GIGYF2: variants seen among roughly 807,000 people sequenced by gnomAD.
GIGYF2 encodes GRB10-interacting GYF protein 2.
In GIGYF2, 25 loss-of-function variants were observed where a neutral mutation model predicts 208.1. The observed-to-expected ratio is 0.12, with a 90% CI of 0.09 to 0.17. GIGYF2 has a LOEUF of 0.17. Among genes scored for constraint, GIGYF2 ranks in the 10% least tolerant of loss-of-function variants. GIGYF2 has a pLI of 1.00. For missense variants in GIGYF2, 1,302 were observed against 1,579.4 expected, an observed-to-expected ratio of 0.82 and a Z score of 2.98; for synonymous variants, 534 against 543.8, an observed-to-expected ratio of 0.98 and a Z score of 0.25.
rs545468180 is a variant in GIGYF2 at position 232,810,118 on chromosome 2, G to T, written c.1898+307G>T. Among the ~76,000 whole-genome samples the T allele has an allele frequency of 2.4e-3, 371 of 152,324 alleles. 2 individuals are homozygous for T. The highest frequency in any genetic ancestry group is 8.3e-3 in the African/African-American group (343 of 41,568). On this transcript the variant is annotated intron_variant, in intron 16 of 28. Coordinates refer to ENST00000373563, the MANE Select transcript of GIGYF2 (RefSeq NM_001103146.3). The stretch of plus-strand genomic sequence containing the variant: ...TTCTCGTGCTTCAGCCTCCTGAGTA[G>T]CTGGGACTACAGGCGTGTGCCACCA...
chr2:232,786,489 G>C (rs1030467604), intron 8 of GIGYF2, among the ~76,000 whole-genome samples: 1 of 152,138 alleles, frequency 6.6e-6, no homozygotes, highest in African/African-American at 2.4e-5. Context: ...CACCTGTCTC[G>C]GCCTCCCAAA....
chr2:232,731,649 G>T (rs1046433500), intron 2 of GIGYF2, among the ~76,000 whole-genome samples: 8 of 152,214 alleles, frequency 5.3e-5, no homozygotes, highest in Non-Finnish European at 1.2e-4. Context: ...TAAGACTGTT[G>T]TGTAAGCAGT....
intron 20 of GIGYF2, among the ~76,000 whole-genome samples, chr2:232,819,060 A>G (rs990536589): frequency 1.3e-5 from 2 of 151,180 alleles, no homozygotes; most frequent in African/African-American, 2.4e-5. Context: ...TCCTAGCTTC[A>G]CTTGAAAGGA....
intron 5 of GIGYF2, among the ~76,000 whole-genome samples, chr2:232,751,023 C>T (rs184893802): frequency 2.1e-4 from 32 of 152,054 alleles, no homozygotes; most frequent in Admixed American, 7.2e-4. Context: ...GACAGGATCT[C>T]GCTCTGTTAT....
chr2:232,852,128 A>C (rs1188710512), intron 28 of GIGYF2, among the ~76,000 whole-genome samples: 1 of 152,230 alleles, frequency 6.6e-6, no homozygotes, highest in Non-Finnish European at 1.5e-5. Context: ...GAGACCCCGC[A>C]CAGTGAGAGG....
chr2:232,753,057 T>C (rs1284584119), intron 5 of GIGYF2, among the ~76,000 whole-genome samples: 3 of 152,002 alleles, frequency 2.0e-5, no homozygotes, highest in Non-Finnish European at 4.4e-5. Context: ...CACACACACA[T>C]AAATGGTAGC....
At chr2:232,770,874 G>GT (rs760000696) in intron 8 of GIGYF2, 191 of 1,533,034 alleles carry the variant, frequency 1.2e-4, no homozygotes, top group Middle Eastern at 1.7e-4. Context: ...TTTTGTTTTT[G>GT]TTTTTTTTAA....
chr2:232,744,285 A>G (rs1203449324), intron 3 of GIGYF2, among the ~76,000 whole-genome samples: 1 of 152,160 alleles, frequency 6.6e-6, no homozygotes, highest in African/African-American at 2.4e-5. Context: ...AGAAATTAGG[A>G]ATGTTAGGCC....
chr2:232,741,055 C>T (rs899736209), intron 3 of GIGYF2, among the ~76,000 whole-genome samples: 16 of 152,170 alleles, frequency 1.1e-4, no homozygotes, highest in African/African-American at 3.9e-4. Context: ...TTCACTTTGT[C>T]ATAATGCTGT....
chr2:232,851,925 G>A (rs984533963), intron 28 of GIGYF2, among the ~76,000 whole-genome samples: 6 of 152,178 alleles, frequency 3.9e-5, no homozygotes, highest in Non-Finnish European at 8.8e-5. Context: ...GAGTTAGATG[G>A]ATTTCAGAAA....
intron 8 of GIGYF2, among the ~76,000 whole-genome samples, chr2:232,772,793 T>C (rs1387122354): frequency 2.0e-5 from 3 of 152,200 alleles, no homozygotes; most frequent in Admixed American, 6.5e-5. Flanking sequence ...GCATACCCAC[T>C]TCCTGCCTTT....
intron 14 of GIGYF2, among the ~76,000 whole-genome samples, chr2:232,800,052 A>G (rs538485595): frequency 1.1e-3 from 157 of 148,970 alleles, no homozygotes; most frequent in African/African-American, 3.7e-3. Context: ...TGATTTGTAA[A>G]TATTTTCTCC....
chr2:232,762,313 T>G (rs1559411006), intron 8 of GIGYF2, among the ~76,000 whole-genome samples: 1 of 147,972 alleles, frequency 6.8e-6, no homozygotes, highest in Non-Finnish European at 1.5e-5. Flanking sequence ...AGTGCAATGG[T>G]GTGGTCTCGG....
At chr2:232,835,680 C>G (rs988509954) in intron 22 of GIGYF2, among the ~76,000 whole-genome samples, 2 of 152,198 alleles carry the variant, frequency 1.3e-5, no homozygotes, top group African/African-American at 2.4e-5. Flanking sequence ...TCCAGTTCTC[C>G]CCTCCTCCCC....
intron 3 of GIGYF2, chr2:232,735,859 A>T: frequency 1.0e-6 from 1 of 985,022 alleles, no homozygotes; most frequent in Non-Finnish European, 1.2e-6. Context: ...TTTTTCCCCA[A>T]AGTTGGTGAT....
rs1486900937 is a variant in GIGYF2, at chr2:232,809,744, A to T, written c.1831A>T (p.Thr611Ser). ...HMGELDQERLTRQQELTALYQ... is the reference protein window; with the variant it reads ...HMGELDQERLSRQQELTALYQ... ...GGGAGAGCTGGACCAGGAACGACTG[A>T]CCAGGCAGCAAGAACTCACAGCCTT... Residue 611 changes from threonine to serine, a missense_variant, in exon 16 of 29, where the codon ACC becomes TCC. Thr to Ser is a moderately conservative substitution (Grantham distance 58). Around this residue, in one of 8 missense-constraint regions of GIGYF2, gnomAD observed 701 missense variants for 793.0 expected, o/e 0.88. Coordinates refer to ENST00000373563, the MANE Select transcript of GIGYF2 (RefSeq NM_001103146.3). The T allele has an allele frequency of 6.2e-7, 1 of 1,610,536 alleles. No homozygotes were observed. The highest frequency in any genetic ancestry group is 1.1e-5 in the South Asian group (1 of 91,014).
chr2:232,776,767 AG>A (rs971209480), intron 8 of GIGYF2: 7 of 327,964 alleles, frequency 2.1e-5, no homozygotes, highest in African/African-American at 1.5e-4. Flanking sequence ...GACTTGGAGA[AG>A]GGGTGCATTT....
chr2:232,731,427 C>T (rs1697490870), intron 2 of GIGYF2, among the ~76,000 whole-genome samples: 1 of 152,196 alleles, frequency 6.6e-6, no homozygotes, highest in Admixed American at 6.5e-5. Context: ...CTAAAATCCT[C>T]TACGGGTTTG....
intron 2 of GIGYF2, among the ~76,000 whole-genome samples, chr2:232,728,645 G>A (rs1466650057): frequency 6.6e-6 from 1 of 152,090 alleles, no homozygotes; most frequent in African/African-American, 2.4e-5. Context: ...TTGCAGGGGT[G>A]GGATCATCTC....
Sources: gnomAD v4.1 joint callset for allele counts (sites outside exome capture counted in the v4.1 genomes callset) on GRCh38, gnomAD v4.1.1 for gene constraint, gnomAD v4.1.1 regional missense constraint, MANE v1.5 for transcripts, NCBI Gene and HGNC (gene_info 2026-07-23, HGNC 2026-07-21) for gene names.